Variants in ELOVL6 observed in about 807,000 individuals in gnomAD.
ELOVL6 encodes very long chain fatty acid elongase 6.
A neutral mutation model predicts 31.7 loss-of-function variants in ELOVL6; 8 were observed. The ratio of observed to expected loss-of-function variants is 0.25; its 90% CI spans 0.15 to 0.45. ELOVL6 has a LOEUF of 0.45. ELOVL6 is among the 20% of genes least tolerant of loss of function. ELOVL6 has a pLI of 1.00. For synonymous variants in ELOVL6, 101 were observed against 117.7 expected (o/e 0.86, Z 0.92); for missense variants, 126 against 326.4 (o/e 0.39, Z 4.73).
chr4:110,053,250 A>T (rs182748724), intron 3 of ELOVL6, among the ~76,000 whole-genome samples: 20 of 152,320 alleles, frequency 1.3e-4, no homozygotes, highest in Admixed American at 1.2e-3. Context: ...CTGAAATTTA[A>T]TTAAGCGCAA....
In ELOVL6 at chr4:110,049,693, G is replaced by C. The variant is rs909972485; in HGVS notation, c.*1645C>G. On this transcript the variant is annotated 3_prime_UTR_variant, in exon 4 of 4. Transcript: ENST00000302274. ...TCTGTGTGTGTATGCGTGGCTATGTGCGTGTAATCTATGCAGTGTGGAAGC... is the reference window on the plus strand; with the variant it reads ...TCTGTGTGTGTATGCGTGGCTATGTCCGTGTAATCTATGCAGTGTGGAAGC... 6.6e-6 allele frequency: 1 copy of C among 150,382 alleles called. No individual in the cohort carries two copies. The highest frequency in any genetic ancestry group is 1.5e-5 in the Non-Finnish European group (1 of 67,744). The allele number at this position is 150,382 out of a possible 1,614,324, so 9.3% of individuals were successfully genotyped here.
intron 2 of ELOVL6, among the ~76,000 whole-genome samples, chr4:110,082,856 T>G (rs1420106001): frequency 2.6e-5 from 4 of 152,210 alleles, no homozygotes; most frequent in Non-Finnish European, 4.4e-5. Flanking sequence ...TGTGTTTTCA[T>G]TAGAGAATAT....
intron 1 of ELOVL6, among the ~76,000 whole-genome samples, chr4:110,195,729 G>A (rs1387760881): frequency 6.6e-6 from 1 of 152,202 alleles, no homozygotes; most frequent in African/African-American, 2.4e-5. Context: ...GTTAACCTTC[G>A]GGTATTAACG....
At chr4:110,116,289 C>T (rs1430488035) in intron 1 of ELOVL6, among the ~76,000 whole-genome samples, 2 of 152,180 alleles carry the variant, frequency 1.3e-5, no homozygotes, top group African/African-American at 4.8e-5. Flanking sequence ...AGATCTAAAG[C>T]CATTCTTCTA....
intron 1 of ELOVL6, among the ~76,000 whole-genome samples, chr4:110,186,148 C>T (rs1283531820): frequency 6.6e-6 from 1 of 152,024 alleles, no homozygotes; most frequent in Non-Finnish European, 1.5e-5. Flanking sequence ...CAAAATTGCA[C>T]CACTGTACTA....
In ELOVL6 at chr4:110,049,362, T is replaced by C. The variant is rs1754777165; in HGVS notation, c.*1976A>G. On this transcript the variant is annotated 3_prime_UTR_variant, in exon 4 of 4. Transcript: ENST00000302274. ...TCATGACTTGGTTTGCATGGATTCTTTGTTCACTGCTCAAACCATTCACAC... is the reference window on the plus strand; with the variant it reads ...TCATGACTTGGTTTGCATGGATTCTCTGTTCACTGCTCAAACCATTCACAC... 1 of 152,560 alleles carries C rather than the reference T, an allele frequency of 6.6e-6. No individual in the cohort carries two copies. The highest frequency in any genetic ancestry group is 2.4e-5 in the African/African-American group (1 of 41,442). The allele number at this position is 152,560 out of a possible 1,614,324, so 9.5% of individuals were successfully genotyped here.
chr4:110,146,716 G>A (rs10029869), intron 1 of ELOVL6: 19,318 of 152,372 alleles, frequency 0.13, 1,335 homozygotes, highest in African/African-American at 0.15. Context: ...ATGGCTGGGC[G>A]CGGTGGCTCA....
intron 2 of ELOVL6, among the ~76,000 whole-genome samples, chr4:110,065,424 T>C (rs368989917): frequency 3.2e-4 from 48 of 152,302 alleles, no homozygotes; most frequent in African/African-American, 1.1e-3. Context: ...CCCAACAGTT[T>C]GAAGCCAGCC....
intron 2 of ELOVL6, among the ~76,000 whole-genome samples, chr4:110,063,801 G>T (rs1225475243): frequency 6.6e-6 from 1 of 151,640 alleles, no homozygotes; most frequent in Non-Finnish European, 1.5e-5. Flanking sequence ...ATACAGGCTG[G>T]GCACGGTGGC....
At chr4:110,155,601 C>G (rs1450456613) in intron 1 of ELOVL6, among the ~76,000 whole-genome samples, 1 of 152,102 alleles carries the variant, frequency 6.6e-6, no homozygotes, top group African/African-American at 2.4e-5. Flanking sequence ...GCCATTCTTT[C>G]CAGACAGTAA....
chr4:110,082,848 T>C (rs1333197372), intron 2 of ELOVL6, among the ~76,000 whole-genome samples: 2 of 152,372 alleles, frequency 1.3e-5, no homozygotes, highest in African/African-American at 4.8e-5. Context: ...AGGCCATGTG[T>C]GTTTTCATTA....
intron 2 of ELOVL6, among the ~76,000 whole-genome samples, chr4:110,097,170 G>A (rs1254056693): frequency 6.6e-6 from 1 of 151,982 alleles, no homozygotes; most frequent in African/African-American, 2.4e-5. Flanking sequence ...GCCAAGCGTG[G>A]TGGCGGGTGC....
intron 1 of ELOVL6, among the ~76,000 whole-genome samples, chr4:110,168,821 C>T (rs1223062083): frequency 6.6e-6 from 1 of 152,148 alleles, no homozygotes; most frequent in Admixed American, 6.5e-5. Context: ...ACCTCATCTC[C>T]AAGACATGCC....
At chr4:110,077,468 C>T (rs572703169) in intron 2 of ELOVL6, among the ~76,000 whole-genome samples, 4 of 152,186 alleles carry the variant, frequency 2.6e-5, no homozygotes, top group African/African-American at 4.8e-5. Flanking sequence ...TGCTGATACC[C>T]AGGCAAACAG....
chr4:110,180,342 G>A (rs1425333827), intron 1 of ELOVL6, among the ~76,000 whole-genome samples: 7 of 151,728 alleles, frequency 4.6e-5, no homozygotes, highest in Non-Finnish European at 1.0e-4. Context: ...AAAAGAATAA[G>A]CCAAATCATT....
chr4:110,074,050 T>C (rs560378534), intron 2 of ELOVL6, among the ~76,000 whole-genome samples: 11 of 152,270 alleles, frequency 7.2e-5, no homozygotes, highest in African/African-American at 2.6e-4. Flanking sequence ...CTTCCTGGGG[T>C]ATTACATAAA....
At chr4:110,189,648 T>C (rs1443297898) in intron 1 of ELOVL6, among the ~76,000 whole-genome samples, 2 of 146,260 alleles carry the variant, frequency 1.4e-5, no homozygotes, top group African/African-American at 5.1e-5. Flanking sequence ...AAAATGAAGT[T>C]ATACTTGTTT....
chr4:110,169,810 T>TC (rs1357673434), intron 1 of ELOVL6, among the ~76,000 whole-genome samples: 2 of 149,186 alleles, frequency 1.3e-5, no homozygotes, highest in African/African-American at 2.5e-5. Flanking sequence ...TTTCTTTCTT[T>TC]TTTTTTTTTT....
In ELOVL6 at chr4:110,133,373, G is replaced by A. The variant is rs187124531; in HGVS notation, c.90-27745C>T. Among the ~76,000 whole-genome samples the A allele has an allele frequency of 1.9e-4, 29 of 152,280 alleles. 1 individual carries two copies. In the East Asian group the frequency reaches 5.0e-3, roughly 26 times the overall value. On this transcript the variant is annotated intron_variant, in intron 1 of 3. Transcript: ENST00000302274. Reference sequence around the variant, plus strand: ...TAGGCAAATAAACCTCAAACCTCAAGGACAGCCTCATCCTACTGTGAAAGC... The same window carrying A: ...TAGGCAAATAAACCTCAAACCTCAAAGACAGCCTCATCCTACTGTGAAAGC...
Sources: gnomAD v4.1 joint callset for allele counts (sites outside exome capture counted in the v4.1 genomes callset) on GRCh38, gnomAD v4.1.1 for gene constraint, MANE v1.5 for transcripts, NCBI Gene and HGNC (gene_info 2026-07-23, HGNC 2026-07-21) for gene names.